The following PRKN variants were observed in gnomAD, a reference collection of about 807,000 sequenced individuals.
The protein encoded by PRKN is E3 ubiquitin-protein ligase parkin.
Under a neutral mutation model 59.5 loss-of-function variants are expected in PRKN, and 56 were observed. That is an observed-to-expected ratio of 0.94 (90% confidence interval 0.76 to 1.18). The LOEUF is 1.18. PRKN is among the 50% of genes most tolerant of loss of function. PRKN has a pLI of 0.00. For synonymous variants in PRKN, 250 were observed against 222.1 expected, an observed-to-expected ratio of 1.13 and a Z score of -1.12; for missense variants, 657 against 596.4, an observed-to-expected ratio of 1.10 and a Z score of -1.06.
At chr6:162,188,776 T>A (rs965889939) in intron 4 of PRKN, among the ~76,000 whole-genome samples, 16 of 125,266 alleles carry the variant, frequency 1.3e-4, no homozygotes, top group Non-Finnish European at 2.7e-4. Flanking sequence ...TCCTTAGATT[T>A]CGTTTTTTTT....
At chr6:162,602,909 G>A (rs561587626) in intron 1 of PRKN, among the ~76,000 whole-genome samples, 1 of 152,258 alleles carries the variant, frequency 6.6e-6, no homozygotes, top group South Asian at 2.1e-4. Context: ...GTAAGAGGCT[G>A]CAGGACGGCA....
At chr6:162,396,721 C>G (rs532261817) in intron 2 of PRKN, among the ~76,000 whole-genome samples, 1 of 152,032 alleles carries the variant, frequency 6.6e-6, no homozygotes, top group Non-Finnish European at 1.5e-5. Flanking sequence ...AGTGTAAGAT[C>G]GATATAAATT....
At chr6:162,015,254 C>T (rs1289026527) in intron 5 of PRKN, among the ~76,000 whole-genome samples, 1 of 152,084 alleles carries the variant, frequency 6.6e-6, no homozygotes, top group Admixed American at 6.6e-5. Flanking sequence ...ACAAGTACAC[C>T]GCTGAGCTTC....
chr6:161,416,272 C>A (rs1008825146), intron 9 of PRKN, among the ~76,000 whole-genome samples: 1 of 152,038 alleles, frequency 6.6e-6, no homozygotes, highest in East Asian at 1.9e-4. Context: ...CTGAAAAGTG[C>A]GGCCACCTCT....
intron 6 of PRKN, among the ~76,000 whole-genome samples, chr6:161,927,936 TTA>T (rs1212979847): frequency 6.6e-6 from 1 of 152,170 alleles, no homozygotes; most frequent in Non-Finnish European, 1.5e-5. Context: ...AGGATAACAT[TTA>T]TGTTTGCTTA....
chr6:162,182,063 T>C (rs1783824399), intron 4 of PRKN, among the ~76,000 whole-genome samples: 1 of 132,406 alleles, frequency 7.6e-6, no homozygotes, highest in South Asian at 2.7e-4. Flanking sequence ...AAATAATGTG[T>C]AGAGAAAGAA....
chr6:162,126,859 C>G (rs1781147311), intron 4 of PRKN, among the ~76,000 whole-genome samples: 1 of 152,104 alleles, frequency 6.6e-6, no homozygotes, highest in Non-Finnish European at 1.5e-5. Context: ...ATGAGCATTC[C>G]CTTGTTTAAT....
rs1237470780 is a variant in PRKN at position 161,413,571 on chromosome 6, C to T, written c.1084-26694G>A. On this transcript the variant is annotated intron_variant, in intron 9 of 11. Transcript: ENST00000366898. This position sits in a 1 kb window ranked among gnomAD's most constrained non-coding sequence, Gnocchi z 4.4. Reference sequence around the variant, plus strand: ...CACGCTGGCCATGGTGGGATGGCAGCGTGGGCCAGGAAAGCCTGGGAACTG... The same window carrying T: ...CACGCTGGCCATGGTGGGATGGCAGTGTGGGCCAGGAAAGCCTGGGAACTG... Among the ~76,000 whole-genome samples the T allele has an allele frequency of 2.6e-5, 4 of 152,052 alleles. No homozygotes were observed. The highest frequency in any genetic ancestry group is 4.8e-5 in the African/African-American group (2 of 41,378).
chr6:162,252,710 G>A (rs1779485561), intron 3 of PRKN, among the ~76,000 whole-genome samples: 2 of 152,230 alleles, frequency 1.3e-5, no homozygotes, highest in South Asian at 4.1e-4. Context: ...AAGGTGCCTT[G>A]TTCTTTCACT....
At chr6:161,865,111 C>T (rs190655475) in intron 6 of PRKN, among the ~76,000 whole-genome samples, 21 of 152,280 alleles carry the variant, frequency 1.4e-4, no homozygotes, top group African/African-American at 5.1e-4. Context: ...CATTCATGTC[C>T]TTGTACATCT....
At position 162,290,984 on chromosome 6, in the gene PRKN, C is replaced by T. The variant is rs112819924; in HGVS notation, c.172-28219G>A. On this transcript the variant is annotated intron_variant, in intron 2 of 11. Coordinates refer to ENST00000366898, the MANE Select transcript of PRKN (RefSeq NM_004562.3). ...GGAATTAAATATTAAATATGTTCTC[C>T]GAAGTTCTGAGATAGTAGGATAACT... Among the ~76,000 whole-genome samples, 753 of 152,174 alleles carry T rather than the reference C, an allele frequency of 4.9e-3. 13 individuals are homozygous for T. Among genetic ancestry groups the T allele is most frequent in the African/African-American group, 0.017 (717 of 41,530 alleles).
chr6:161,452,721 C>T (rs921417992), intron 9 of PRKN, among the ~76,000 whole-genome samples: 11 of 151,994 alleles, frequency 7.2e-5, no homozygotes, highest in African/African-American at 2.4e-4. Flanking sequence ...ATAATCAAAA[C>T]GTTTAGCTGG....
rs956172502 is a variant in PRKN, at chr6:161,459,337, C to T, written c.1084-72460G>A. ...ATTCTCAGAAATGCCCTTGAAGTGA[C>T]TATTAATTCCAGAATATGGTGTGAA... On this transcript the variant is annotated intron_variant, in intron 9 of 11. Transcript: ENST00000366898. The surrounding 1 kb of genome is among the most constrained non-coding windows in gnomAD (Gnocchi z 4.8). Among the ~76,000 whole-genome samples, 1 of 152,218 alleles carries T rather than the reference C, an allele frequency of 6.6e-6. No homozygotes were observed. Among genetic ancestry groups the T allele is most frequent in the Non-Finnish European group, 1.5e-5 (1 of 68,034 alleles).
chr6:162,186,737 TC>T (rs1784049304), intron 4 of PRKN, among the ~76,000 whole-genome samples: 1 of 152,164 alleles, frequency 6.6e-6, no homozygotes, highest in South Asian at 2.1e-4. Flanking sequence ...TTTCACAAGA[TC>T]CGTTTGTTTA....
At chr6:161,629,140 G>T (rs1403706546) in intron 7 of PRKN, among the ~76,000 whole-genome samples, 1 of 152,114 alleles carries the variant, frequency 6.6e-6, no homozygotes, top group Non-Finnish European at 1.5e-5. Context: ...GCAGGCTAGG[G>T]ATGCTCATGC....
intron 7 of PRKN, among the ~76,000 whole-genome samples, chr6:161,597,079 A>G (rs1016267275): frequency 6.6e-6 from 1 of 152,200 alleles, no homozygotes; most frequent in Non-Finnish European, 1.5e-5. Context: ...CAAAAGAACA[A>G]GAGGCTTTGG....
rs1236102555 is a variant in PRKN at position 161,483,847 on chromosome 6, T to C, written c.1083+65007A>G. The stretch of plus-strand genomic sequence containing the variant: ...TATATCATGGAATACTATGCAACCA[T>C]AAAAAGGAACAAGACCATATCCTTT... On this transcript the variant is annotated intron_variant, in intron 9 of 11. Transcript: ENST00000366898. The surrounding 1 kb of genome is among the most constrained non-coding windows in gnomAD (Gnocchi z 5.0). Among the ~76,000 whole-genome samples, 2 of 152,158 alleles carry C rather than the reference T, an allele frequency of 1.3e-5. No individual in the cohort carries two copies. The highest frequency in any genetic ancestry group is 1.9e-4 in the East Asian group (1 of 5,182).
chr6:162,390,869 T>C (rs1231142666), intron 2 of PRKN, among the ~76,000 whole-genome samples: 1 of 152,098 alleles, frequency 6.6e-6, no homozygotes, highest in East Asian at 1.9e-4. Flanking sequence ...TATAAATCTA[T>C]AAAAACAGAA....
chr6:161,866,731 C>T (rs1373111654), intron 6 of PRKN, among the ~76,000 whole-genome samples: 5 of 152,088 alleles, frequency 3.3e-5, no homozygotes, highest in South Asian at 4.2e-4. Flanking sequence ...AAGTGCGATA[C>T]GATAGACGGC....
Sources: allele counts gnomAD v4.1 joint callset (sites outside exome capture counted in the v4.1 genomes callset), GRCh38; gene constraint gnomAD v4.1.1; non-coding constraint Gnocchi (gnomAD v3.1); transcripts MANE v1.5; gene names NCBI Gene and HGNC (gene_info 2026-07-23, HGNC 2026-07-21).